Variants in RELB observed in about 807,000 individuals in gnomAD.
RELB encodes the protein transcription factor RelB.
In RELB, 14 loss-of-function variants were observed where a neutral mutation model predicts 55.4. The observed-to-expected ratio is 0.25, with a 90% CI of 0.17 to 0.40. RELB has a LOEUF of 0.40. RELB is among the 10% of genes least tolerant of loss of function. RELB has a pLI of 1.00. For synonymous variants in RELB, 409 were observed against 371.3 expected, an observed-to-expected ratio of 1.10 and a Z score of -1.17; for missense variants, 669 against 830.7, an observed-to-expected ratio of 0.81 and a Z score of 2.39.
Position 45,037,292 on chromosome 19 carries a change from A to AAAAAAAG in RELB, c.1355-112_1355-106dup, listed in dbSNP as rs1210156586. 21 of 1,245,908 alleles carry AAAAAAAG rather than the reference A, an allele frequency of 1.7e-5. No individual in the cohort carries two copies. In the African/African-American group the frequency reaches 3.3e-4, roughly 20 times the overall value. 77.2% of individuals were successfully genotyped at this position (1,245,908 alleles called of 1,614,324 possible). A position where few individuals can be genotyped will look rare whatever the true frequency, so the allele number is the denominator to read the frequency against. On this transcript the variant is annotated intron_variant, in intron 11 of 11. Transcript: ENST00000221452. The stretch of plus-strand genomic sequence containing the variant: ...ATGAGACTCCATCTCAGAAAAAAAA[A>AAAAAAAG]AAAAAAGGCCACCTTGATATCACAT...
At chr19:45,029,025 G>C (rs1971590539) in intron 8 of RELB, 33 bp downstream of exon 8, 1 of 1,476,358 alleles carries the variant, frequency 6.8e-7, no homozygotes, top group African/African-American at 1.4e-5. Context: ...CTTGGGCAGA[G>C]CGGGGTCTGG....
intron 4 of RELB, among the ~76,000 whole-genome samples, chr19:45,017,739 A>G (rs1329996248): frequency 6.8e-6 from 1 of 147,894 alleles, no homozygotes; most frequent in Non-Finnish European, 1.5e-5. Context: ...TCTGCCTCTC[A>G]GGTTCAAGCA....
At chr19:45,027,232 C>CAA (rs34018517) in intron 7 of RELB, among the ~76,000 whole-genome samples, 39,848 of 124,956 alleles carry the variant, frequency 0.32, 7,400 homozygotes, top group Non-Finnish European at 0.42. Flanking sequence ...GACTCCTTCT[C>CAA]AAAAAAAAAA....
intron 4 of RELB, among the ~76,000 whole-genome samples, chr19:45,018,937 G>A (rs563145681): frequency 3.9e-5 from 6 of 152,090 alleles, no homozygotes; most frequent in African/African-American, 9.7e-5. Flanking sequence ...GATTACAGGC[G>A]TGAGCCACCG....
intron 4 of RELB, among the ~76,000 whole-genome samples, chr19:45,019,995 G>C (rs1971463893): frequency 6.6e-6 from 1 of 151,736 alleles, no homozygotes; most frequent in Non-Finnish European, 1.5e-5. Flanking sequence ...CCGACCTCAG[G>C]TGATCCCCCA....
intron 4 of RELB, among the ~76,000 whole-genome samples, chr19:45,014,725 G>A (rs1048433313): frequency 1.3e-5 from 2 of 148,246 alleles, no homozygotes; most frequent in Admixed American, 1.3e-4. Flanking sequence ...CACCATGTTG[G>A]CCAGGCTGGT....
intron 4 of RELB, among the ~76,000 whole-genome samples, chr19:45,016,793 G>T (rs1375094929): frequency 6.6e-6 from 1 of 152,162 alleles, no homozygotes. Flanking sequence ...GGAGGCGGAG[G>T]TTGCAGTGAG....
At chr19:45,012,417 G>T (rs1046687157) in intron 4 of RELB, 141 bp downstream of exon 4, 1 of 546,980 alleles carries the variant, frequency 1.8e-6, no homozygotes. Context: ...CTATCACCTG[G>T]CCTGGAATCC....
chr19:45,033,853 C>CATT (rs1568405417), intron 9 of RELB, among the ~76,000 whole-genome samples: 78 of 148,594 alleles, frequency 5.2e-4, no homozygotes, highest in African/African-American at 1.8e-3. Context: ...AAGACTCCAT[C>CATT]TTTAAAAAAA....
At position 45,032,624 on chromosome 19, in the gene RELB, T is replaced by G. The variant is rs1180134994; in HGVS notation, c.1082T>G (p.Phe361Cys). The change falls in exon 9 of 12, where the codon TTC becomes TGC. Residue 361 changes from phenylalanine (F) to cysteine (C), a missense_variant. Coordinates refer to ENST00000221452, the MANE Select transcript of RELB (RefSeq NM_006509.4). ...GTGCACCGCCAGATTGCCATTGTGTTCAAGACGCCGCCCTACGAGGACCTG... is the reference window on the plus strand; with the variant it reads ...GTGCACCGCCAGATTGCCATTGTGTGCAAGACGCCGCCCTACGAGGACCTG... ...ADVHRQIAIVFKTPPYEDLEI... is the reference protein window; with the variant it reads ...ADVHRQIAIVCKTPPYEDLEI... 6.2e-7 allele frequency: 1 copy of G among 1,613,232 alleles called. No individual in the cohort carries two copies. Among genetic ancestry groups the G allele is most frequent in the Non-Finnish European group, 8.5e-7 (1 of 1,179,704 alleles).
intron 11 of RELB, among the ~76,000 whole-genome samples, chr19:45,035,295 GA>G (rs1971673726): frequency 6.6e-6 from 1 of 151,624 alleles, no homozygotes; most frequent in East Asian, 2.0e-4. Flanking sequence ...GAGGCAGGTG[GA>G]CTGCTTCAGT....
In RELB at chr19:45,032,668, A is replaced by T. The variant is rs1394889506; in HGVS notation, c.1126A>T (p.Thr376Ser). Residue 376 changes from threonine to serine, a missense_variant, in exon 9 of 12, where the codon ACA (threonine) becomes TCA (serine). By Grantham distance (58) the Thr-to-Ser change is moderately conservative (BLOSUM62 1). Coordinates refer to ENST00000221452, the MANE Select transcript of RELB (RefSeq NM_006509.4). The part of the protein sequence containing the change: ...YEDLEIVEPV[T>S]VNVFLQRLTD... ...GGACCTGGAGATTGTCGAGCCCGTG[A>T]CAGTCAACGTCTTCCTGCAGCGGCT... is the stretch of plus-strand genomic sequence containing the variant. 1 of 1,612,058 alleles carries T rather than the reference A, an allele frequency of 6.2e-7. No homozygotes were observed. The highest frequency in any genetic ancestry group is 1.7e-5 in the Admixed American group (1 of 59,620).
Position 45,012,191 on chromosome 19 carries a change from TC to T in RELB, c.421del (p.Arg141AlafsTer40). 6.5e-7 allele frequency: 1 copy of T among 1,537,754 alleles called. No homozygotes were observed. Reference protein sequence around the residue: ...TEQPKQRGMRFRYECEGRSAG... With the variant: ...TEQPKQRGMRXRYECEGRSAG... ...CAGCCCAAGCAGCGCGGCATGCGCT[TC>T]CGCTACGAGTGCGAGGGCCGCTCGG... On this transcript the variant is annotated frameshift_variant, in exon 4 of 12. Transcript: ENST00000221452. LOFTEE classifies it high-confidence loss of function.
rs1971212344 is a variant in RELB, at chr19:45,001,695, GC to G, written c.106+11del. 6.6e-7 allele frequency: 1 copy of G among 1,510,952 alleles called. No individual in the cohort carries two copies. The highest frequency in any genetic ancestry group is 2.1e-5 in the Admixed American group (1 of 48,508). The allele number at this position is 1,510,952 out of a possible 1,614,324, so 93.6% of individuals were successfully genotyped here. A position where few individuals can be genotyped will look rare whatever the true frequency, so the allele number is the denominator to read the frequency against. Reference sequence around the variant, plus strand: ...GAGCTGGGGGCCTTAGGTAAGCGGGGCTGGGGTTCAGGAGAGGGGTCTGGGG... The same window carrying G: ...GAGCTGGGGGCCTTAGGTAAGCGGGGTGGGGTTCAGGAGAGGGGTCTGGGG... On this transcript the variant is annotated intron_variant, in intron 1 of 11. Coordinates refer to ENST00000221452, the MANE Select transcript of RELB (RefSeq NM_006509.4).
chr19:45,024,413 C>G (rs866126812), intron 5 of RELB, among the ~76,000 whole-genome samples: 1 of 152,132 alleles, frequency 6.6e-6, no homozygotes, highest in African/African-American at 2.4e-5. Flanking sequence ...CTGCCCGTAT[C>G]GGCCTCCCAA....
At chr19:45,025,797 C>T (rs376147606) in intron 7 of RELB, 60 bp downstream of exon 7, 8 of 1,605,008 alleles carry the variant, frequency 5.0e-6, no homozygotes, top group Admixed American at 1.7e-5. Context: ...CAGAATGTCC[C>T]GCTTACAGAG....
At chr19:45,023,474 G>A (rs1011678869) in intron 5 of RELB, among the ~76,000 whole-genome samples, 17 of 149,510 alleles carry the variant, frequency 1.1e-4, no homozygotes, top group African/African-American at 4.2e-4. Flanking sequence ...GTCTCGCTCT[G>A]TCGCCCAGGC....
intron 8 of RELB, among the ~76,000 whole-genome samples, chr19:45,030,908 G>T (rs1971612820): frequency 6.6e-6 from 1 of 152,170 alleles, no homozygotes; most frequent in South Asian, 2.1e-4. Flanking sequence ...TTTCCATCTT[G>T]GCTCTAACAC....
intron 5 of RELB, among the ~76,000 whole-genome samples, chr19:45,023,391 T>TC (rs879358383): frequency 0.03 from 4,381 of 146,216 alleles, 130 homozygotes; most frequent in Non-Finnish European, 0.039. Flanking sequence ...TTTGCAGTTT[T>TC]CTTTCCTTCC....
Sources: allele counts gnomAD v4.1 joint callset (sites outside exome capture counted in the v4.1 genomes callset), GRCh38; gene constraint gnomAD v4.1.1; transcripts MANE v1.5; gene names NCBI Gene and HGNC (gene_info 2026-07-23, HGNC 2026-07-21).